Variants in CORO1C observed in about 807,000 individuals in gnomAD.
The protein encoded by CORO1C is coronin-1C.
A neutral mutation model predicts 51.2 loss-of-function variants in CORO1C; 14 were observed. That is an observed-to-expected ratio of 0.27 (90% CI 0.18 to 0.43). The LOEUF is 0.43. Among genes scored for constraint, CORO1C ranks in the 20% least tolerant of loss-of-function variants. The pLI is 1.00. For synonymous variants in CORO1C, 181 were observed against 210.5 expected (o/e 0.86, Z 1.21); for missense variants, 417 against 607.8 (o/e 0.69, Z 3.30).
intron 2 of CORO1C, among the ~76,000 whole-genome samples, chr12:108,680,339 C>A (rs539647316): frequency 6.8e-4 from 103 of 152,278 alleles, no homozygotes; most frequent in African/African-American, 2.3e-3. Flanking sequence ...TAGGTTTCTT[C>A]ACATTCCTCC....
At position 108,690,272 on chromosome 12, in the gene CORO1C, C is replaced by T. The variant is rs544215078; in HGVS notation, c.195+10852G>A. Among the ~76,000 whole-genome samples the T allele has an allele frequency of 2.0e-5, 3 of 151,110 alleles. No individual in the cohort carries two copies. In the South Asian group the frequency reaches 6.2e-4, roughly 31 times the overall value. On this transcript the variant is annotated intron_variant, in intron 2 of 10. Transcript: ENST00000261401. ...CTTTACTTTAAGGGAACCAGAAATA[C>T]CATCCTTGAGGTAAAAGGAGGTGCT...
At chr12:108,716,775 C>T (rs533284452) in intron 1 of CORO1C, among the ~76,000 whole-genome samples, 30 of 152,326 alleles carry the variant, frequency 2.0e-4, no homozygotes, top group Admixed American at 5.2e-4. Flanking sequence ...GTAAAACAGA[C>T]ACAACTCACT....
intron 4 of CORO1C, 25 bp downstream of exon 4, chr12:108,662,004 G>A (rs774457412): frequency 1.9e-6 from 3 of 1,613,792 alleles, no homozygotes; most frequent in African/African-American, 2.7e-5. Context: ...AAGACAAGGG[G>A]AGGACCGCTG....
intron 1 of CORO1C, among the ~76,000 whole-genome samples, chr12:108,727,827 T>G (rs1351605526): frequency 6.6e-6 from 1 of 151,840 alleles, no homozygotes; most frequent in African/African-American, 2.4e-5. Flanking sequence ...TCCAAGAAAA[T>G]TTTTGCAAAT....
intron 2 of CORO1C, among the ~76,000 whole-genome samples, chr12:108,698,233 A>G (rs77142765): frequency 0.055 from 8,376 of 152,280 alleles, 639 homozygotes; most frequent in East Asian, 0.25. Flanking sequence ...CAGGAGTAAA[A>G]AGGCATCTAC....
Position 108,710,717 on chromosome 12 carries a change from C to T in CORO1C, c.-5-9394G>A, listed in dbSNP as rs547552746. The stretch of plus-strand genomic sequence containing the variant: ...TAGCTGGGACAACAGGTGTGTGCCA[C>T]CACACCCTGCTAATTTTTGTATTTT... On this transcript the variant is annotated intron_variant, in intron 1 of 10. Transcript: ENST00000261401. Among the ~76,000 whole-genome samples the T allele has an allele frequency of 1.4e-3, 215 of 152,154 alleles. 1 individual carries two copies. Among genetic ancestry groups the T allele is most frequent in the Middle Eastern group, 0.01 (3 of 294 alleles).
chr12:108,667,780 G>GA (rs540902103), intron 3 of CORO1C, among the ~76,000 whole-genome samples: 33 of 152,148 alleles, frequency 2.2e-4, no homozygotes, highest in South Asian at 6.2e-4. Flanking sequence ...TGTGGTTCTG[G>GA]AAAAAAACAA....
chr12:108,727,255 T>C (rs1224032386), intron 1 of CORO1C, among the ~76,000 whole-genome samples: 4 of 152,178 alleles, frequency 2.6e-5, no homozygotes, highest in African/African-American at 9.7e-5. Context: ...CTGATGAATG[T>C]ACAATACATG....
At chr12:108,699,536 A>G (rs1231429037) in intron 2 of CORO1C, among the ~76,000 whole-genome samples, 1 of 152,236 alleles carries the variant, frequency 6.6e-6, no homozygotes, top group East Asian at 1.9e-4. Context: ...GTCTGACCTT[A>G]GCTAACAAGC....
rs757828061 is a variant in CORO1C at position 108,648,812 on chromosome 12, C to T, written c.1098G>A (p.Ala366=). The change falls in exon 10 of 11, where the codon GCG becomes GCA. Residue 366 remains alanine (A), a synonymous_variant. Coordinates refer to ENST00000261401, the MANE Select transcript of CORO1C (RefSeq NM_014325.4). ...CTGCCTCCAGCGCGGCCTCTGGCCC[C>T]GCTGTGTCAGGATACAGGTCATCTT... is the stretch of plus-strand genomic sequence containing the variant. The part of the protein sequence containing the change: ...LFQDDLYPDT[A]GPEAALEAEE... The T allele has an allele frequency of 8.1e-6, 13 of 1,614,058 alleles. No homozygotes were observed. The highest frequency in any genetic ancestry group is 2.2e-5 in the South Asian group (2 of 91,076).
chr12:108,706,077 C>T (rs1240532941), intron 1 of CORO1C, among the ~76,000 whole-genome samples: 2 of 151,374 alleles, frequency 1.3e-5, no homozygotes, highest in East Asian at 3.9e-4. Flanking sequence ...ATCCCAGCTA[C>T]TCGGGAGGCA....
At chr12:108,695,922 C>T (rs2034663956) in intron 2 of CORO1C, among the ~76,000 whole-genome samples, 1 of 149,350 alleles carries the variant, frequency 6.7e-6, no homozygotes, top group African/African-American at 2.5e-5. Flanking sequence ...TTCATAAAAC[C>T]CTACATGAAA....
rs781501120 is a variant in CORO1C, at chr12:108,647,461, C to A, written c.1367G>T (p.Cys456Phe). The A allele has an allele frequency of 1.2e-6, 2 of 1,611,236 alleles. No individual in the cohort carries two copies. Among genetic ancestry groups the A allele is most frequent in the Admixed American group, 1.7e-5 (1 of 59,978 alleles). ...CTTGGAAATACGCTCATCTTGATTGCAGATTGTGTCTTTTATAGATTTGAT... is the reference window on the plus strand; with the variant it reads ...CTTGGAAATACGCTCATCTTGATTGAAGATTGTGTCTTTTATAGATTTGAT... ...KEIKSIKDTI[C>F]NQDERISKLE... The change falls in exon 11 of 11, where the codon TGC becomes TTC. Residue 456 changes from cysteine (C) to phenylalanine (F), a missense_variant. Physicochemically the swap from Cys to Phe is radical, Grantham distance 205. Transcript: ENST00000261401.
At chr12:108,683,507 T>A (rs1001802295) in intron 2 of CORO1C, among the ~76,000 whole-genome samples, 14 of 149,276 alleles carry the variant, frequency 9.4e-5, no homozygotes, top group Non-Finnish European at 1.6e-4. Flanking sequence ...GGAAAAGAGA[T>A]AAGGCACAAA....
chr12:108,729,678 G>A (rs1352472515), intron 1 of CORO1C, among the ~76,000 whole-genome samples: 1 of 152,274 alleles, frequency 6.6e-6, no homozygotes, highest in East Asian at 1.9e-4. Context: ...CATTATGACT[G>A]TGAAACATAC....
intron 1 of CORO1C, among the ~76,000 whole-genome samples, chr12:108,707,862 C>T (rs1045189401): frequency 6.6e-6 from 1 of 152,004 alleles, no homozygotes; most frequent in South Asian, 2.1e-4. Context: ...TACAAATGTC[C>T]AATACACATG....
chr12:108,707,932 C>T (rs2035072742), intron 1 of CORO1C, among the ~76,000 whole-genome samples: 1 of 152,154 alleles, frequency 6.6e-6, no homozygotes, highest in African/African-American at 2.4e-5. Flanking sequence ...CAATGAGAGA[C>T]TATTCCATAC....
chr12:108,668,719 GA>G (rs1376147697), intron 3 of CORO1C, among the ~76,000 whole-genome samples: 1 of 152,312 alleles, frequency 6.6e-6, no homozygotes, highest in East Asian at 1.9e-4. Context: ...ACTCTGGAAG[GA>G]ACAATTATGC....
intron 2 of CORO1C, among the ~76,000 whole-genome samples, chr12:108,699,844 C>T (rs1474110412): frequency 2.0e-5 from 3 of 152,162 alleles, no homozygotes; most frequent in Non-Finnish European, 4.4e-5. Flanking sequence ...TTTGAAAACA[C>T]GTATCAAATT....
Sources: allele counts gnomAD v4.1 joint callset (sites outside exome capture counted in the v4.1 genomes callset), GRCh38; gene constraint gnomAD v4.1.1; transcripts MANE v1.5; gene names NCBI Gene and HGNC (gene_info 2026-07-23, HGNC 2026-07-21).